The following AIG1 variants were observed in gnomAD, a reference collection of about 807,000 sequenced individuals.
The protein encoded by AIG1 is androgen induced 1.
A neutral mutation model predicts 31.4 loss-of-function variants in AIG1; 23 were observed. That is an observed-to-expected ratio of 0.73 (90% CI 0.53 to 1.04). The LOEUF (loss-of-function observed/expected upper bound fraction) is 1.04. Among genes scored for constraint, AIG1 ranks in the 50% least tolerant of loss-of-function variants. The pLI is 0.00. For synonymous variants in AIG1, 100 were observed against 110.5 expected (o/e 0.90, Z 0.60); for missense variants, 274 against 295.0 (o/e 0.93, Z 0.52).
At chr6:143,148,012 T>C (rs1784849366) in intron 2 of AIG1, among the ~76,000 whole-genome samples, 1 of 152,200 alleles carries the variant, frequency 6.6e-6, no homozygotes, top group South Asian at 2.1e-4. Context: ...GTTTTACAGA[T>C]GGGATTCCCA....
intron 1 of AIG1, among the ~76,000 whole-genome samples, chr6:143,080,682 C>CAA (rs1365898119): frequency 6.6e-6 from 1 of 152,070 alleles, no homozygotes; most frequent in Non-Finnish European, 1.5e-5. Flanking sequence ...TTACTTTCCT[C>CAA]ACGGTTGTCG....
intron 1 of AIG1, among the ~76,000 whole-genome samples, chr6:143,077,528 T>C (rs894242902): frequency 6.6e-6 from 1 of 152,242 alleles, no homozygotes; most frequent in Non-Finnish European, 1.5e-5. Context: ...TCATCTAGCC[T>C]GTGTGATTTC....
chr6:143,221,640 A>C (rs1322521729), intron 3 of AIG1, among the ~76,000 whole-genome samples: 1 of 152,182 alleles, frequency 6.6e-6, no homozygotes, highest in Non-Finnish European at 1.5e-5. Flanking sequence ...CTGGGAAAAT[A>C]GCATAGGCCC....
intron 3 of AIG1, among the ~76,000 whole-genome samples, chr6:143,196,350 AACACACACACACACACACACACAC>A (rs71784011): frequency 2.1e-5 from 3 of 141,636 alleles, no homozygotes; most frequent in Admixed American, 7.1e-5. Context: ...CAACAAAAGC[AACACACACACACACACACACACAC>A]ACACACACAC....
intron 1 of AIG1, among the ~76,000 whole-genome samples, chr6:143,121,173 G>A (rs1782208026): frequency 6.6e-6 from 1 of 152,182 alleles, no homozygotes; most frequent in Non-Finnish European, 1.5e-5. Context: ...AAGGCTGTGA[G>A]ACCCCTGATT....
In AIG1 at chr6:143,152,362, A is replaced by G. The variant is rs143951447; in HGVS notation, c.298-12720A>G. 1.6e-3 allele frequency among the ~76,000 whole-genome samples: 237 copies of G among 152,324 alleles called. 1 individual carries two copies. The highest frequency in any genetic ancestry group is 5.5e-3 in the African/African-American group (229 of 41,568). ...ATTAATGTAATTTTATCGAATAACT[A>G]TAGTCCCCTTTTATTTAAAAAATGA... On this transcript the variant is annotated intron_variant, in intron 2 of 5. Transcript: ENST00000357847.
chr6:143,094,259 G>A (rs1779557967), intron 1 of AIG1: 2 of 152,174 alleles, frequency 1.3e-5, no homozygotes, highest in Non-Finnish European at 2.9e-5. Flanking sequence ...ATCTCGAAAG[G>A]CTTCTTTTCA....
chr6:143,322,143 G>T (rs1776264070), intron 4 of AIG1, among the ~76,000 whole-genome samples: 1 of 148,910 alleles, frequency 6.7e-6, no homozygotes. Flanking sequence ...ATTAAAGGAG[G>T]TTGGTGATGA....
At chr6:143,262,780 A>G (rs1203784338) in intron 3 of AIG1, among the ~76,000 whole-genome samples, 4 of 152,196 alleles carry the variant, frequency 2.6e-5, no homozygotes, top group East Asian at 3.8e-4. Flanking sequence ...CAAAGGGCCA[A>G]TCCAGGGATA....
intron 1 of AIG1, among the ~76,000 whole-genome samples, chr6:143,088,531 G>T (rs200150): frequency 2.0e-5 from 3 of 152,192 alleles, no homozygotes; most frequent in African/African-American, 7.2e-5. Flanking sequence ...AGCACGAAAC[G>T]TGTAGGTTAG....
chr6:143,321,808 A>T (rs1776241292), intron 4 of AIG1, among the ~76,000 whole-genome samples: 1 of 152,110 alleles, frequency 6.6e-6, no homozygotes, highest in Non-Finnish European at 1.5e-5. Context: ...TGGGAAAAAA[A>T]CCTGACACCA....
chr6:143,252,321 A>T (rs1280960927), intron 3 of AIG1, among the ~76,000 whole-genome samples: 1 of 152,062 alleles, frequency 6.6e-6, no homozygotes, highest in East Asian at 1.9e-4. Flanking sequence ...GGGTTTCACC[A>T]TGTTGGCCAG....
intron 3 of AIG1, among the ~76,000 whole-genome samples, chr6:143,265,492 C>T (rs1796092642): frequency 6.6e-6 from 1 of 152,130 alleles, no homozygotes; most frequent in African/African-American, 2.4e-5. Context: ...TCCCTCTTCC[C>T]CTCTCTCTGC....
intron 2 of AIG1, among the ~76,000 whole-genome samples, chr6:143,138,382 A>G (rs2128523373): frequency 6.6e-6 from 1 of 152,356 alleles, no homozygotes; most frequent in South Asian, 2.1e-4. Context: ...TAAAGCACAA[A>G]GATACATACT....
At chr6:143,232,958 C>A (rs752643724) in intron 3 of AIG1, among the ~76,000 whole-genome samples, 68 of 152,200 alleles carry the variant, frequency 4.5e-4, no homozygotes, top group Non-Finnish European at 8.7e-4. Flanking sequence ...TTCTTCTGTT[C>A]TGGGAGCTCC....
intron 3 of AIG1, among the ~76,000 whole-genome samples, chr6:143,254,288 A>T (rs933647476): frequency 2.6e-5 from 4 of 152,146 alleles, no homozygotes; most frequent in South Asian, 2.1e-4. Flanking sequence ...GCTTTCTGTA[A>T]CCTGCAAGAA....
chr6:143,165,086 T>C lies in AIG1; in HGVS notation c.302T>C (p.Val101Ala). Residue 101 changes from valine to alanine, a missense_variant, in exon 3 of 6, where the codon GTT (valine) becomes GCT (alanine). Coordinates refer to ENST00000357847, the MANE Select transcript of AIG1 (RefSeq NM_016108.4). ...AVLAFPVGVF[V>A]VAVFWIIYAY... ...AAGATTTCTTTTTCCTTCCAGTTTGTTGTAGCAGTGTTCTGGATCATTTAT... is the reference window on the plus strand; with the variant it reads ...AAGATTTCTTTTTCCTTCCAGTTTGCTGTAGCAGTGTTCTGGATCATTTAT... 1 of 1,609,220 alleles carries C rather than the reference T, an allele frequency of 6.2e-7. No homozygotes were observed. The highest frequency in any genetic ancestry group is 8.5e-7 in the Non-Finnish European group (1 of 1,175,994).
Position 143,293,410 on chromosome 6 carries a change from A to G in AIG1, c.515+9185A>G, listed in dbSNP as rs1798193080. 6.6e-6 allele frequency among the ~76,000 whole-genome samples: 1 copy of G among 152,058 alleles called. No individual in the cohort carries two copies. Among genetic ancestry groups the G allele is most frequent in the Non-Finnish European group, 1.5e-5 (1 of 68,010 alleles). On this transcript the variant is annotated intron_variant, in intron 4 of 5. Transcript: ENST00000357847. This position sits in a 1 kb window ranked among gnomAD's most constrained non-coding sequence, Gnocchi z 4.8. ...GATTCGAGAATGTCATTGCTTTCCC[A>G]TTATTCCAATCTGCGTATTTTTACA...
chr6:143,142,325 C>G (rs1175936407), intron 2 of AIG1, among the ~76,000 whole-genome samples: 5 of 152,188 alleles, frequency 3.3e-5, no homozygotes, highest in African/African-American at 1.2e-4. Context: ...TCTCCTGCCT[C>G]AGCCTCCTGA....
Sources: allele counts gnomAD v4.1 joint callset (sites outside exome capture counted in the v4.1 genomes callset), GRCh38; gene constraint gnomAD v4.1.1; non-coding constraint Gnocchi (gnomAD v3.1); transcripts MANE v1.5; gene names NCBI Gene and HGNC (gene_info 2026-07-23, HGNC 2026-07-21).